ARSG: variants seen among roughly 807,000 people sequenced by gnomAD.
ARSG encodes the protein arylsulfatase G, also known as ASG.
In ARSG, 37 loss-of-function variants were observed where a neutral mutation model predicts 50.5. The ratio of observed to expected loss-of-function variants is 0.73; its 90% CI spans 0.56 to 0.96. The LOEUF is 0.96. ARSG is among the 50% of genes least tolerant of loss of function. The pLI is 0.00. For synonymous variants in ARSG, 225 were observed against 254.6 expected (o/e 0.88, Z 1.11); for missense variants, 629 against 675.3 (o/e 0.93, Z 0.76).
chr17:68,358,500 C>T lies in ARSG; in HGVS notation c.704+1696C>T, dbSNP rs138056227. On this transcript the variant is annotated intron_variant, in intron 6 of 11. Coordinates refer to ENST00000621439, the MANE Select transcript of ARSG (RefSeq NM_001267727.2). ...ATTCAGGAGTTCGAAACCAGCCTGA[C>T]CAACACGGTGAAACCCTGTGTCTAC... 1.5e-3 allele frequency among the ~76,000 whole-genome samples: 233 copies of T among 151,874 alleles called. 1 individual carries two copies. Among genetic ancestry groups the T allele is most frequent in the African/African-American group, 5.3e-3 (220 of 41,426 alleles).
chr17:68,319,854 T>C (rs117016188), intron 2 of ARSG, among the ~76,000 whole-genome samples: 1 of 152,332 alleles, frequency 6.6e-6, no homozygotes, highest in Non-Finnish European at 1.5e-5. Flanking sequence ...TAACCTGAGG[T>C]AGATGTATCT....
chr17:68,313,041 C>T (rs1341728858), intron 2 of ARSG, among the ~76,000 whole-genome samples: 1 of 152,146 alleles, frequency 6.6e-6, no homozygotes, highest in South Asian at 2.1e-4. Flanking sequence ...GCGGGCAGAT[C>T]ACGAGGTCAG....
At chr17:68,434,872 A>G in the ARSG span, among the ~76,000 whole-genome samples, 10 of 152,090 alleles carry the variant, frequency 6.6e-5, no homozygotes, top group Non-Finnish European at 1.0e-4. Context: ...GTGTGTGTGC[A>G]TGTGTGTGTT....
chr17:68,393,424 C>G (rs750823017), intron 9 of ARSG, among the ~76,000 whole-genome samples: 1 of 152,080 alleles, frequency 6.6e-6, no homozygotes, highest in African/African-American at 2.4e-5. Context: ...GATTGATTGT[C>G]GAGATATAGC....
chr17:68,417,733 A>ATTGTTTT (rs2082466963), intron 11 of ARSG, among the ~76,000 whole-genome samples: 1 of 60,788 alleles, frequency 1.6e-5, no homozygotes, highest in South Asian at 9.1e-4. Context: ...GAGTTGCTGA[A>ATTGTTTT]TTTTTTTTTT....
chr17:68,263,372 C>T (rs1444068655), intron 1 of ARSG, among the ~76,000 whole-genome samples: 2 of 152,242 alleles, frequency 1.3e-5, no homozygotes, highest in Non-Finnish European at 1.5e-5. Context: ...AGGGCAGCTT[C>T]TCTTTTATCA....
intron 10 of ARSG, among the ~76,000 whole-genome samples, chr17:68,398,779 A>G (rs2081356922): frequency 6.6e-6 from 1 of 152,208 alleles, no homozygotes; most frequent in Admixed American, 6.5e-5. Context: ...ACCTCTAGGG[A>G]CGTTGTCTCT....
upstream of ARSG, chr17:68,291,220 A>C (rs2075973948): frequency 2.7e-5 from 4 of 149,238 alleles, no homozygotes; most frequent in South Asian, 2.2e-4. Context: ...CTCTAGCGCA[A>C]GTTGGCTCGG....
intron 5 of ARSG, among the ~76,000 whole-genome samples, chr17:68,352,512 C>T (rs866034417): frequency 1.4e-5 from 2 of 139,770 alleles, no homozygotes; most frequent in Admixed American, 1.4e-4. Context: ...TTTTTTCTTT[C>T]TTTTTTTTTT....
At chr17:68,379,802 C>T (rs1290465584) in intron 8 of ARSG, 2 of 985,370 alleles carry the variant, frequency 2.0e-6, no homozygotes, top group Non-Finnish European at 2.4e-6. Context: ...GCATGCCCAA[C>T]CAAACTGTCG....
At chr17:68,317,680 A>G (rs1351508658) in intron 2 of ARSG, among the ~76,000 whole-genome samples, 1 of 152,200 alleles carries the variant, frequency 6.6e-6, no homozygotes, top group Non-Finnish European at 1.5e-5. Flanking sequence ...TGTCCTTTGT[A>G]GATCTGAGCT....
chr17:68,346,445 A>T (rs549579330), intron 3 of ARSG, among the ~76,000 whole-genome samples: 95 of 152,214 alleles, frequency 6.2e-4, no homozygotes, highest in Non-Finnish European at 1.2e-3. Flanking sequence ...TCTTTGTACC[A>T]CATTCTTTTC....
intron 1 of ARSG, among the ~76,000 whole-genome samples, chr17:68,262,951 G>A (rs1463275281): frequency 6.6e-6 from 1 of 152,234 alleles, no homozygotes; most frequent in Non-Finnish European, 1.5e-5. Context: ...TGCAGAGAGG[G>A]TGCTTAAAGT....
At position 68,326,193 on chromosome 17, in the gene ARSG, C is replaced by T. The variant is rs145327131; in HGVS notation, c.219-17411C>T. Among the ~76,000 whole-genome samples, 22 of 152,298 alleles carry T rather than the reference C, an allele frequency of 1.4e-4. 1 individual carries two copies. Among genetic ancestry groups the T allele is most frequent in the African/African-American group, 5.1e-4 (21 of 41,562 alleles). On this transcript the variant is annotated intron_variant, in intron 2 of 11. Coordinates refer to ENST00000621439, the MANE Select transcript of ARSG (RefSeq NM_001267727.2). Reference sequence around the variant, plus strand: ...AGTCAGATATGATAAGGGTTAGGGACAAACTCGAACAGTGCTGCTGCAGGT... The same window carrying T: ...AGTCAGATATGATAAGGGTTAGGGATAAACTCGAACAGTGCTGCTGCAGGT...
chr17:68,306,152 G>A (rs1290478206), intron 1 of ARSG, among the ~76,000 whole-genome samples: 1 of 151,858 alleles, frequency 6.6e-6, no homozygotes, highest in Non-Finnish European at 1.5e-5. Context: ...GCAGGCATAC[G>A]CCACCATGCC....
chr17:68,385,168 T>A lies in ARSG; in HGVS notation c.1087T>A (p.Leu363Ile). Residue 363 changes from leucine to isoleucine, a missense_variant, in exon 9 of 12, where the codon TTA (leucine) becomes ATA (isoleucine). Transcript: ENST00000621439. The part of the protein sequence containing the change: ...VPVNVTSTAL[L>I]SVLDIFPTVV... ...AGTTAATGTCACCAGCACTGCCTTG[T>A]TAAGGTATGAGACCAAAACTACCTT... The A allele has an allele frequency of 6.2e-7, 1 of 1,613,566 alleles. No homozygotes were observed. The highest frequency in any genetic ancestry group is 8.5e-7 in the Non-Finnish European group (1 of 1,179,638).
At chr17:68,445,135 G>A in the ARSG span, among the ~76,000 whole-genome samples, 1 of 152,008 alleles carries the variant, frequency 6.6e-6, no homozygotes, top group Admixed American at 6.6e-5. Context: ...GATCAGGCTG[G>A]TCTCGAACTC....
At chr17:68,433,760 G>GTTTTTTTTTTTTTT in the ARSG span, among the ~76,000 whole-genome samples, 4 of 72,822 alleles carry the variant, frequency 5.5e-5, 1 homozygote, top group African/African-American at 2.0e-4. Flanking sequence ...AAGGGTCATA[G>GTTTTTTTTTTTTTT]TTTTTTTTTT....
chr17:68,350,908 T>C (rs1292110262), intron 4 of ARSG, among the ~76,000 whole-genome samples: 1 of 152,142 alleles, frequency 6.6e-6, no homozygotes, highest in African/African-American at 2.4e-5. Context: ...GTTTCAATGC[T>C]CACACCCTTC....
Sources: allele counts gnomAD v4.1 joint callset (sites outside exome capture counted in the v4.1 genomes callset), GRCh38; gene constraint gnomAD v4.1.1; transcripts MANE v1.5; gene names NCBI Gene and HGNC (gene_info 2026-07-23, HGNC 2026-07-21).